The following KIAA0319 variants were observed in gnomAD, a reference collection of about 807,000 sequenced individuals.
KIAA0319 encodes dyslexia-associated protein KIAA0319.
A neutral mutation model predicts 108.4 loss-of-function variants in KIAA0319; 83 were observed. The ratio of observed to expected loss-of-function variants is 0.77; its 90% CI spans 0.64 to 0.92. The LOEUF is 0.92. KIAA0319 is among the 40% of genes least tolerant of loss of function. The pLI is 0.00. For missense variants in KIAA0319, 1,195 were observed against 1,322.4 expected, an observed-to-expected ratio of 0.90 and a Z score of 1.49; for synonymous variants, 484 against 510.4, an observed-to-expected ratio of 0.95 and a Z score of 0.70.
chr6:24,569,389 C>G (rs1764354492), intron 12 of KIAA0319, among the ~76,000 whole-genome samples: 2 of 152,170 alleles, frequency 1.3e-5, no homozygotes, highest in African/African-American at 4.8e-5. Flanking sequence ...GGTCCAAGCT[C>G]TTTCTCTTAC....
intron 20 of KIAA0319, among the ~76,000 whole-genome samples, chr6:24,549,876 G>A (rs890385872): frequency 6.6e-6 from 1 of 152,102 alleles, no homozygotes; most frequent in Non-Finnish European, 1.5e-5. Flanking sequence ...TGGAGTGGGG[G>A]GCGGTGTGTG....
At chr6:24,617,692 G>T (rs962115187) in intron 1 of KIAA0319, among the ~76,000 whole-genome samples, 28 of 152,186 alleles carry the variant, frequency 1.8e-4, no homozygotes, top group African/African-American at 6.7e-4. Context: ...GAACCCTAAA[G>T]AAGTAGAACC....
At chr6:24,633,602 A>T (rs1775846802) in intron 1 of KIAA0319, among the ~76,000 whole-genome samples, 1 of 150,866 alleles carries the variant, frequency 6.6e-6, no homozygotes, top group South Asian at 2.1e-4. Context: ...TCTATATTTA[A>T]AAAAAAAAAT....
Position 24,548,168 on chromosome 6 carries a change from T to C in KIAA0319, c.3041-825A>G, listed in dbSNP as rs1760908268. Among the ~76,000 whole-genome samples, 3 of 152,192 alleles carry C rather than the reference T, an allele frequency of 2.0e-5. No homozygotes were observed. The South Asian group carries it at 6.2e-4, about 32-fold the overall frequency. ...CTTATGGCAGGGGTTGCTTCAGTAATGTTTCCCATAGGGTGATGTTGCAGA... is the reference window on the plus strand; with the variant it reads ...CTTATGGCAGGGGTTGCTTCAGTAACGTTTCCCATAGGGTGATGTTGCAGA... On this transcript the variant is annotated intron_variant, in intron 20 of 20. Transcript: ENST00000378214.
intron 11 of KIAA0319, 146 bp from the exon 12 acceptor site, chr6:24,570,181 C>T (rs1224066010): frequency 9.5e-6 from 7 of 735,550 alleles, no homozygotes; most frequent in Middle Eastern, 3.9e-4. Context: ...TGGAGTGAAG[C>T]ACTGCAGCCT....
chr6:24,600,495 A>T, intron 2 of KIAA0319: 1 of 657,044 alleles, frequency 1.5e-6, no homozygotes, highest in Non-Finnish European at 2.8e-6. Context: ...GTGTGGCATG[A>T]GAAACTGCAT....
At position 24,578,142 on chromosome 6, in the gene KIAA0319, C is replaced by G. The variant is rs1765812093; in HGVS notation, c.1473G>C (p.Leu491Phe). The G allele has an allele frequency of 6.2e-7, 1 of 1,612,808 alleles. No individual in the cohort carries two copies. The highest frequency in any genetic ancestry group is 8.5e-7 in the Non-Finnish European group (1 of 1,179,458). Residue 491 changes from leucine to phenylalanine, a missense_variant, in exon 9 of 21, where the codon TTG becomes TTC. Physicochemically the swap from Leu to Phe is conservative, Grantham distance 22. Transcript: ENST00000378214. ...TATAGTTACCAGGATCAAGGTTAGA[C>G]AAGCGTAAGACGGGAGAGTCAACTG... is the stretch of plus-strand genomic sequence containing the variant. ...KTSVDSPVLR[L>F]SNLDPGNYSF...
chr6:24,621,485 T>G (rs1216285159), intron 1 of KIAA0319, among the ~76,000 whole-genome samples: 3 of 152,202 alleles, frequency 2.0e-5, no homozygotes, highest in Non-Finnish European at 2.9e-5. Flanking sequence ...ATATTCATAT[T>G]AATCTATCTG....
Position 24,578,251 on chromosome 6 carries a change from T to A in KIAA0319, c.1373-9A>T. 1.3e-6 allele frequency: 2 copies of A among 1,569,894 alleles called. No homozygotes were observed. Among genetic ancestry groups the A allele is most frequent in the South Asian group, 2.3e-5 (2 of 86,326 alleles). On this transcript the variant is annotated splice_polypyrimidine_tract_variant and intron_variant, in intron 8 of 20. Transcript: ENST00000378214. ...AGTATCATCTGTACTTTCTACAAGA[T>A]TAAGAAATAAAGACAAGAATGAAAT...
At chr6:24,558,945 C>T (rs1762701894) in intron 17 of KIAA0319, 68 bp downstream of exon 17, 1 of 1,438,362 alleles carries the variant, frequency 7.0e-7, no homozygotes, top group South Asian at 1.3e-5. Context: ...CACTCCTCTT[C>T]TATGTTTGTC....
At chr6:24,609,672 T>C (rs1208783028) in intron 1 of KIAA0319, among the ~76,000 whole-genome samples, 1 of 151,918 alleles carries the variant, frequency 6.6e-6, no homozygotes, top group African/African-American at 2.4e-5. Context: ...CTGAAAAAAA[T>C]GCTAAGCTGT....
chr6:24,557,756 TA>T (rs1762504163), intron 17 of KIAA0319, among the ~76,000 whole-genome samples: 1 of 151,740 alleles, frequency 6.6e-6, no homozygotes, highest in Non-Finnish European at 1.5e-5. Context: ...AACATAATCA[TA>T]ATATACTTTT....
At chr6:24,609,270 A>G (rs1191204289) in intron 1 of KIAA0319, among the ~76,000 whole-genome samples, 3 of 145,748 alleles carry the variant, frequency 2.1e-5, no homozygotes, top group Non-Finnish European at 4.5e-5. Context: ...CCTGTCTCAA[A>G]AACAAAAAAA....
chr6:24,634,254 C>T (rs767287212), intron 1 of KIAA0319, among the ~76,000 whole-genome samples: 3 of 152,214 alleles, frequency 2.0e-5, no homozygotes, highest in Non-Finnish European at 2.9e-5. Context: ...TCAACAAACA[C>T]ATGGCCAGGC....
intron 1 of KIAA0319, among the ~76,000 whole-genome samples, chr6:24,631,050 T>G (rs1012023457): frequency 3.9e-5 from 6 of 152,212 alleles, no homozygotes; most frequent in African/African-American, 1.4e-4. Context: ...TATTTATAGG[T>G]TGTCCCATTT....
intron 4 of KIAA0319, among the ~76,000 whole-genome samples, chr6:24,586,027 T>C (rs1767429291): frequency 6.6e-6 from 1 of 152,068 alleles, no homozygotes; most frequent in African/African-American, 2.4e-5. Flanking sequence ...AGGCAGAGGT[T>C]GCAGTGAGCC....
chr6:24,626,097 A>G (rs1202277745), intron 1 of KIAA0319, among the ~76,000 whole-genome samples: 1 of 152,212 alleles, frequency 6.6e-6, no homozygotes. Context: ...AGACACAAGG[A>G]CCACATTTTG....
intron 9 of KIAA0319, 76 bp from the exon 10 acceptor site, chr6:24,576,672 C>T: frequency 8.5e-7 from 1 of 1,169,978 alleles, no homozygotes; most frequent in East Asian, 2.3e-5. Flanking sequence ...GTAATCCCAA[C>T]ACTGTGGGAA....
At chr6:24,602,642 T>C (rs1295963531) in intron 1 of KIAA0319, among the ~76,000 whole-genome samples, 1 of 151,738 alleles carries the variant, frequency 6.6e-6, no homozygotes, top group Non-Finnish European at 1.5e-5. Context: ...CTACTAAAAA[T>C]ACAAAAAAAT....
Sources: allele counts gnomAD v4.1 joint callset (sites outside exome capture counted in the v4.1 genomes callset), GRCh38; gene constraint gnomAD v4.1.1; transcripts MANE v1.5; gene names NCBI Gene and HGNC (gene_info 2026-07-23, HGNC 2026-07-21).